Variants in MSI2 observed in about 807,000 individuals in gnomAD.
MSI2 encodes the protein RNA-binding protein Musashi homolog 2.
Under a neutral mutation model 45.6 loss-of-function variants are expected in MSI2, and 17 were observed. The observed-to-expected ratio is 0.37, with a 90% CI of 0.26 to 0.56. The LOEUF is 0.56. Ranked by LOEUF, MSI2 falls within the 20% of genes least tolerant of loss-of-function variation. The pLI is 0.77. For synonymous variants in MSI2, 156 were observed against 158.2 expected (o/e 0.99, Z 0.11); for missense variants, 293 against 444.2 (o/e 0.66, Z 3.06).
chr17:57,299,832 A>G (rs1911285155), intron 5 of MSI2, among the ~76,000 whole-genome samples: 1 of 152,240 alleles, frequency 6.6e-6, no homozygotes, highest in Non-Finnish European at 1.5e-5. Context: ...TTAGTAAAAA[A>G]TACAATATTA....
At chr17:57,637,650 C>A (rs1047453222) in intron 10 of MSI2, among the ~76,000 whole-genome samples, 5 of 152,242 alleles carry the variant, frequency 3.3e-5, no homozygotes, top group African/African-American at 4.8e-5. Flanking sequence ...CATCTCTAGG[C>A]CTCGGTTTCC....
intron 5 of MSI2, among the ~76,000 whole-genome samples, chr17:57,283,697 G>A (rs907678102): frequency 6.6e-6 from 1 of 152,214 alleles, no homozygotes; most frequent in Non-Finnish European, 1.5e-5. Flanking sequence ...GAGAAAATTA[G>A]GCTCCAGAGT....
intron 6 of MSI2, among the ~76,000 whole-genome samples, chr17:57,428,137 T>G (rs2084528831): frequency 1.3e-5 from 2 of 152,184 alleles, no homozygotes; most frequent in Non-Finnish European, 2.9e-5. Context: ...GGCTATATAT[T>G]ATAATGATCT....
chr17:57,657,468 C>G (rs759498163), intron 11 of MSI2, among the ~76,000 whole-genome samples: 8 of 152,152 alleles, frequency 5.3e-5, no homozygotes, highest in Non-Finnish European at 8.8e-5. Flanking sequence ...TCCCACTGGC[C>G]TAAATCCCAG....
At chr17:57,305,834 A>T (rs1464159707) in intron 5 of MSI2, among the ~76,000 whole-genome samples, 3 of 152,214 alleles carry the variant, frequency 2.0e-5, no homozygotes, top group Non-Finnish European at 4.4e-5. Flanking sequence ...AACATGACCC[A>T]CAAGGTACTG....
intron 6 of MSI2, among the ~76,000 whole-genome samples, chr17:57,412,624 G>A (rs1278565784): frequency 6.6e-6 from 1 of 152,152 alleles, no homozygotes; most frequent in Non-Finnish European, 1.5e-5. Flanking sequence ...GGCCCAGATG[G>A]TCTCCTAGAA....
intron 6 of MSI2, among the ~76,000 whole-genome samples, chr17:57,496,666 C>G (rs1220946900): frequency 6.6e-6 from 1 of 152,234 alleles, no homozygotes; most frequent in Non-Finnish European, 1.5e-5. Flanking sequence ...GCGGGCAGCC[C>G]TTCCCCATCC....
At chr17:57,397,103 C>G (rs1191895924) in intron 5 of MSI2, among the ~76,000 whole-genome samples, 2 of 152,154 alleles carry the variant, frequency 1.3e-5, no homozygotes, top group East Asian at 3.9e-4. Flanking sequence ...GTGGGGCCAT[C>G]TGAGCATTTT....
At chr17:57,437,566 C>T (rs1283693994) in intron 6 of MSI2, among the ~76,000 whole-genome samples, 1 of 152,142 alleles carries the variant, frequency 6.6e-6, no homozygotes, top group African/African-American at 2.4e-5. Context: ...GGTAGAATTC[C>T]AATGTTCACT....
At chr17:57,678,847 A>G (rs1913424997) in intron 13 of MSI2, among the ~76,000 whole-genome samples, 1 of 152,238 alleles carries the variant, frequency 6.6e-6, no homozygotes, top group Non-Finnish European at 1.5e-5. Flanking sequence ...CGCAGCACTT[A>G]GGAAGGACTG....
intron 7 of MSI2, among the ~76,000 whole-genome samples, chr17:57,594,256 G>A (rs1286246378): frequency 6.6e-6 from 1 of 152,198 alleles, no homozygotes; most frequent in African/African-American, 2.4e-5. Flanking sequence ...TGGGATTGCG[G>A]GAGGGTGCTG....
At chr17:57,432,341 T>C (rs539233732) in intron 6 of MSI2, among the ~76,000 whole-genome samples, 1 of 152,274 alleles carries the variant, frequency 6.6e-6, no homozygotes, top group South Asian at 2.1e-4. Context: ...CACTGCCTCC[T>C]TATGGAGGAG....
chr17:57,464,140 A>G (rs2085286803), intron 6 of MSI2, among the ~76,000 whole-genome samples: 1 of 151,872 alleles, frequency 6.6e-6, no homozygotes, highest in Non-Finnish European at 1.5e-5. Context: ...GAAAGAAGTG[A>G]CCTGGAGGTA....
chr17:57,598,376 G>A (rs368226627), intron 8 of MSI2, among the ~76,000 whole-genome samples: 34 of 152,330 alleles, frequency 2.2e-4, no homozygotes, highest in Middle Eastern at 3.4e-3. Context: ...AAAGCAATCT[G>A]CTTAGCATGT....
intron 6 of MSI2, among the ~76,000 whole-genome samples, chr17:57,487,132 C>A (rs1267927630): frequency 1.3e-5 from 2 of 152,168 alleles, no homozygotes; most frequent in Non-Finnish European, 2.9e-5. Flanking sequence ...GTGCAGGGGA[C>A]TTCAGATCAC....
intron 6 of MSI2, among the ~76,000 whole-genome samples, chr17:57,519,812 AAC>A (rs2086546942): frequency 6.8e-6 from 1 of 146,800 alleles, no homozygotes; most frequent in Admixed American, 6.8e-5. Flanking sequence ...ATCTGATTTT[AAC>A]TACTGGCTCC....
chr17:57,281,275 C>G (rs1909393590), intron 5 of MSI2, among the ~76,000 whole-genome samples: 1 of 152,162 alleles, frequency 6.6e-6, no homozygotes. Context: ...AAGAGAGCAT[C>G]ACGTGAGGGA....
At chr17:57,452,792 A>C (rs2085042402) in intron 6 of MSI2, among the ~76,000 whole-genome samples, 1 of 152,134 alleles carries the variant, frequency 6.6e-6, no homozygotes. Flanking sequence ...TCCTCTTACC[A>C]GCCCATGAGG....
chr17:57,504,025 G>A (rs1211718478), intron 6 of MSI2, among the ~76,000 whole-genome samples: 7 of 152,272 alleles, frequency 4.6e-5, no homozygotes, highest in Admixed American at 1.3e-4. Flanking sequence ...ATGAGCCACC[G>A]CGCCCGGCCG....
Sources: allele counts gnomAD v4.1 joint callset (sites outside exome capture counted in the v4.1 genomes callset), GRCh38; gene constraint gnomAD v4.1.1; transcripts MANE v1.5; gene names NCBI Gene and HGNC (gene_info 2026-07-23, HGNC 2026-07-21).